The following WDR7 variants were observed in gnomAD, a reference collection of about 807,000 sequenced individuals.
The protein encoded by WDR7 is WD repeat-containing protein 7.
A neutral mutation model predicts 169.4 loss-of-function variants in WDR7; 46 were observed. That is an observed-to-expected ratio of 0.27 (90% CI 0.21 to 0.35). WDR7 has a LOEUF of 0.35. Ranked by LOEUF, WDR7 falls within the 10% of genes least tolerant of loss-of-function variation. The pLI is 1.00. For missense variants in WDR7, 1,534 were observed against 1,859.3 expected (o/e 0.83, Z 3.22); for synonymous variants, 612 against 666.8 (o/e 0.92, Z 1.27).
At chr18:56,693,633 G>A (rs993871374) in intron 9 of WDR7, among the ~76,000 whole-genome samples, 98 of 124,340 alleles carry the variant, frequency 7.9e-4, no homozygotes, top group Non-Finnish European at 1.2e-3. Context: ...GTGCAGTGGT[G>A]TGATCTCGGC....
chr18:57,032,759 G>A (rs1452579255), downstream of WDR7: 1 of 156,890 alleles, frequency 6.4e-6, no homozygotes, highest in African/African-American at 2.6e-5. Context: ...ACAAGCTCAG[G>A]GCTCTCACTG....
chr18:56,826,636 C>A (rs2045209094), intron 20 of WDR7, among the ~76,000 whole-genome samples: 1 of 152,144 alleles, frequency 6.6e-6, no homozygotes, highest in Admixed American at 6.5e-5. Context: ...AAAGAGGAGT[C>A]CTCACTCATA....
intron 12 of WDR7, among the ~76,000 whole-genome samples, chr18:56,696,666 A>G (rs549825): frequency 0.92 from 139,941 of 152,258 alleles, 65,445 homozygotes; most frequent in East Asian, 1. Flanking sequence ...AACAGAAGAG[A>G]GACATAGTGT....
chr18:56,807,113 T>TAC (rs2044786376), intron 19 of WDR7, among the ~76,000 whole-genome samples: 1 of 149,514 alleles, frequency 6.7e-6, no homozygotes, highest in Non-Finnish European at 1.5e-5. Context: ...TTGTCACCAC[T>TAC]TGATGATGTA....
At chr18:56,944,993 CATT>C (rs1187370315) in intron 25 of WDR7, among the ~76,000 whole-genome samples, 1 of 152,102 alleles carries the variant, frequency 6.6e-6, no homozygotes, top group East Asian at 1.9e-4. Flanking sequence ...TCTTATTCAT[CATT>C]GATTATTTTT....
At chr18:56,904,761 A>T (rs1375794205) in intron 21 of WDR7, among the ~76,000 whole-genome samples, 1 of 152,154 alleles carries the variant, frequency 6.6e-6, no homozygotes, top group Non-Finnish European at 1.5e-5. Flanking sequence ...TTGCTTAGGA[A>T]ACTCACCTTC....
intron 16 of WDR7, among the ~76,000 whole-genome samples, chr18:56,776,007 G>A (rs9951161): frequency 1.1e-4 from 17 of 152,156 alleles, no homozygotes; most frequent in African/African-American, 4.1e-4. Context: ...TTGACCTCCA[G>A]TTGTAGAATG....
At chr18:56,796,610 A>G (rs748074941) in intron 19 of WDR7, among the ~76,000 whole-genome samples, 1 of 152,220 alleles carries the variant, frequency 6.6e-6, no homozygotes, top group Non-Finnish European at 1.5e-5. Flanking sequence ...GCTAAAAATG[A>G]GGTGTCACTA....
chr18:56,850,004 T>C (rs549811214), intron 20 of WDR7, among the ~76,000 whole-genome samples: 16 of 152,330 alleles, frequency 1.1e-4, no homozygotes, highest in African/African-American at 3.8e-4. Context: ...TTTGCCTTTT[T>C]TTTGTTTCAT....
intron 1 of WDR7, among the ~76,000 whole-genome samples, chr18:56,668,898 G>GT (rs34232858): frequency 2.7e-5 from 4 of 147,740 alleles, no homozygotes; most frequent in African/African-American, 9.8e-5. Flanking sequence ...CAAAATCTGT[G>GT]TTTTTTTTTT....
At chr18:56,974,362 CTT>C (rs34901751) in intron 26 of WDR7, among the ~76,000 whole-genome samples, 87 of 111,780 alleles carry the variant, frequency 7.8e-4, no homozygotes, top group Middle Eastern at 4.5e-3. Flanking sequence ...GCTTTTCTTG[CTT>C]TTTTTTTTTT....
chr18:56,769,794 A>T (rs1303522087), intron 16 of WDR7, among the ~76,000 whole-genome samples: 1 of 152,248 alleles, frequency 6.6e-6, no homozygotes, highest in African/African-American at 2.4e-5. Flanking sequence ...ATTAAACAAT[A>T]GTTTAATCAC....
chr18:56,876,211 G>A (rs781045369), intron 20 of WDR7, among the ~76,000 whole-genome samples: 11 of 151,924 alleles, frequency 7.2e-5, no homozygotes, highest in East Asian at 1.9e-4. Flanking sequence ...CTAATTTCTC[G>A]GTTGGCATAC....
At chr18:56,677,874 T>C (rs1278283341) in intron 2 of WDR7, among the ~76,000 whole-genome samples, 1 of 152,188 alleles carries the variant, frequency 6.6e-6, no homozygotes, top group African/African-American at 2.4e-5. Flanking sequence ...CTGCCTCCTC[T>C]TTATGACCAG....
intron 2 of WDR7, among the ~76,000 whole-genome samples, chr18:56,674,266 G>A (rs1442382121): frequency 6.6e-6 from 1 of 152,156 alleles, no homozygotes; most frequent in Non-Finnish European, 1.5e-5. Context: ...AGTGCATGAG[G>A]GTTCCAGGTT....
chr18:56,766,349 C>T (rs1347309446), intron 16 of WDR7, among the ~76,000 whole-genome samples: 1 of 151,976 alleles, frequency 6.6e-6, no homozygotes, highest in African/African-American at 2.4e-5. Context: ...CCTTTCCTCC[C>T]TCCTCTCTCT....
chr18:56,821,017 T>C (rs1427049081), intron 20 of WDR7, among the ~76,000 whole-genome samples: 1 of 152,184 alleles, frequency 6.6e-6, no homozygotes, highest in Non-Finnish European at 1.5e-5. Flanking sequence ...TCATTAATAG[T>C]GTGTAGTAAT....
chr18:56,800,913 T>C (rs2044663102), intron 19 of WDR7, among the ~76,000 whole-genome samples: 1 of 152,330 alleles, frequency 6.6e-6, no homozygotes, highest in African/African-American at 2.4e-5. Context: ...GAGTGCTAGG[T>C]GTTCTTGTTA....
chr18:56,846,817 A>G (rs2045575567), intron 20 of WDR7, among the ~76,000 whole-genome samples: 2 of 152,194 alleles, frequency 1.3e-5, no homozygotes, highest in Non-Finnish European at 1.5e-5. Flanking sequence ...GCAGATGTGG[A>G]CACCACATTT....
Sources: allele counts gnomAD v4.1 joint callset (sites outside exome capture counted in the v4.1 genomes callset), GRCh38; gene constraint gnomAD v4.1.1; transcripts MANE v1.5; gene names NCBI Gene and HGNC (gene_info 2026-07-23, HGNC 2026-07-21).